The following EPHA1 variants were observed in gnomAD, a reference collection of about 807,000 sequenced individuals.
EPHA1 encodes ephrin type-A receptor 1.
In EPHA1, 92 loss-of-function variants were observed where a neutral mutation model predicts 110.1. That is an observed-to-expected ratio of 0.84 (90% CI 0.71 to 0.99). The LOEUF (loss-of-function observed/expected upper bound fraction) is 0.99. Among genes scored for constraint, EPHA1 ranks in the 50% least tolerant of loss-of-function variants. The pLI, the probability that EPHA1 is intolerant of heterozygous loss-of-function variation, is 0.00. For synonymous variants in EPHA1, 500 were observed against 516.1 expected (o/e 0.97, Z 0.42); for missense variants, 1,204 against 1,285.4 (o/e 0.94, Z 0.97).
In EPHA1 at chr7:143,391,742, TG is replaced by T; in HGVS notation, c.2729del (p.Ser910Ter). 6.2e-7 allele frequency: 1 copy of T among 1,613,930 alleles called. No individual in the cohort carries two copies. Among genetic ancestry groups the T allele is most frequent in the Non-Finnish European group, 8.5e-7 (1 of 1,180,030 alleles). Reference protein sequence around the residue: ...MTLRLPSLSGSDGIPYRTVSE... With the variant: ...MTLRLPSLSGXDGIPYRTVSE... ...AGACGGTTCGATATGGGATCCCATC[TG>T]AGCCACTCAGGCTGGGCAGGCGAAG... On this transcript the variant is annotated frameshift_variant, in exon 17 of 18. Transcript: ENST00000275815. LOFTEE classifies it high-confidence loss of function.
Position 143,396,527 on chromosome 7 carries a change from AG to A in EPHA1, c.1772-18del, listed in dbSNP as rs1361400524. 3.7e-6 allele frequency: 6 copies of A among 1,612,790 alleles called. No individual in the cohort carries two copies. The highest frequency in any genetic ancestry group is 3.3e-5 in the Admixed American group (2 of 59,982). ...GCTTGTCCTCTATGGGCAGAACATG[AG>A]GTTGGGGAGTACCAACATCAGGGCT... On this transcript the variant is annotated intron_variant, in intron 10 of 17. Coordinates refer to ENST00000275815, the MANE Select transcript of EPHA1 (RefSeq NM_005232.5).
intron 3 of EPHA1, 99 bp from the exon 4 acceptor site, chr7:143,400,152 G>T: frequency 7.3e-7 from 1 of 1,377,026 alleles, no homozygotes; most frequent in South Asian, 1.5e-5. Context: ...CCACAACCAT[G>T]AACACTGAGC....
rs1374130243 is a variant in EPHA1, at chr7:143,395,121, C to T, written c.2145G>A (p.Arg715=). Reference sequence around the variant, plus strand: ...CCAGCTAGTCCTCTGCCCTCCTCACCCTCAGGAAGGCATCCAGGGCTCCAT... The same window carrying T: ...CCAGCTAGTCCTCTGCCCTCCTCACTCTCAGGAAGGCATCCAGGGCTCCAT... The part of the protein sequence containing the change: ...MENGALDAFL[R]EREDQLVPGQ... Residue 715 remains arginine, a splice_region_variant and synonymous_variant, in exon 13 of 18, where the codon AGG becomes AGA. Transcript: ENST00000275815. This position sits in a 1 kb window ranked among gnomAD's most constrained non-coding sequence, Gnocchi z 4.7. 6 of 1,614,094 alleles carry T rather than the reference C, an allele frequency of 3.7e-6. No homozygotes were observed. Among genetic ancestry groups the T allele is most frequent in the South Asian group, 2.2e-5 (2 of 91,080 alleles).
intron 15 of EPHA1, 25 bp downstream of exon 15, chr7:143,394,169 A>G (rs374125954): frequency 4.4e-5 from 70 of 1,597,468 alleles, no homozygotes; most frequent in Non-Finnish European, 6.0e-5. Flanking sequence ...TGGAGACAAG[A>G]TGAGGAAGAA....
chr7:143,396,570 A>G, intron 10 of EPHA1, 60 bp from the exon 11 acceptor site: 1 of 1,588,966 alleles, frequency 6.3e-7, no homozygotes, highest in African/African-American at 1.3e-5. Flanking sequence ...TATGGGGGTC[A>G]GGAGAAGGGC....
intron 2 of EPHA1, among the ~76,000 whole-genome samples, chr7:143,405,340 A>G (rs1315805391): frequency 6.6e-6 from 1 of 152,212 alleles, no homozygotes; most frequent in Non-Finnish European, 1.5e-5. Context: ...CCAGCTGTCC[A>G]GGATCAGCAG....
At position 143,402,080 on chromosome 7, in the gene EPHA1, G is replaced by A. The variant is rs143261513; in HGVS notation, c.151-475C>T. Among the ~76,000 whole-genome samples, 652 of 147,546 alleles carry A rather than the reference G, an allele frequency of 4.4e-3. 7 individuals are homozygous for A. Among genetic ancestry groups the A allele is most frequent in the African/African-American group, 0.015 (624 of 40,422 alleles). The stretch of plus-strand genomic sequence containing the variant: ...CTACAGGTGCCTGCCAACACACTGG[G>A]CTATTTTTTCTTTCTTTTTTTTTTT... On this transcript the variant is annotated intron_variant, in intron 2 of 17. Transcript: ENST00000275815.
chr7:143,400,191 AT>A, intron 3 of EPHA1, 138 bp from the exon 4 acceptor site: 1 of 1,036,342 alleles, frequency 9.6e-7, no homozygotes, highest in Non-Finnish European at 1.4e-6. Flanking sequence ...CAGGCTAAGC[AT>A]TTTATGTGCA....
Position 143,398,448 on chromosome 7 carries a change from T to G in EPHA1, c.1337A>C (p.Glu446Ala). 1 of 1,614,116 alleles carries G rather than the reference T, an allele frequency of 6.2e-7. No individual in the cohort carries two copies. Reference sequence around the variant, plus strand: ...TCTCAGAGACAGGCCTGACAGTGACTCTGGGGGTCCAGAGGGATAAGGTTG... The same window carrying G: ...TCTCAGAGACAGGCCTGACAGTGACGCTGGGGGTCCAGAGGGATAAGGTTG... ...TSVSISMGHAESLSGLSLRLV... is the reference protein window; with the variant it reads ...TSVSISMGHAASLSGLSLRLV... Residue 446 changes from glutamate to alanine, a missense_variant and splice_region_variant, in exon 7 of 18, where the codon GAG becomes GCG. By Grantham distance (107) the Glu-to-Ala change is moderately radical. Transcript: ENST00000275815.
Position 143,393,784 on chromosome 7 carries a change from G to A in EPHA1, c.2583C>T (p.Asn861=). Residue 861 remains asparagine, a synonymous_variant, in exon 16 of 18, where the codon AAC becomes AAT. Coordinates refer to ENST00000275815, the MANE Select transcript of EPHA1 (RefSeq NM_005232.5). This position sits in a 1 kb window ranked among gnomAD's most constrained non-coding sequence, Gnocchi z 5.6. ...CPAPLYELMK[N]CWAYDRARRP... Reference sequence around the variant, plus strand: ...GGCGGGCACGGTCATATGCCCAGCAGTTCTTCATGAGCTCATACAGAGGGG... The same window carrying A: ...GGCGGGCACGGTCATATGCCCAGCAATTCTTCATGAGCTCATACAGAGGGG... 1 of 1,612,348 alleles carries A rather than the reference G, an allele frequency of 6.2e-7. No homozygotes were observed. Among genetic ancestry groups the A allele is most frequent in the Non-Finnish European group, 8.5e-7 (1 of 1,179,046 alleles).
In EPHA1 at chr7:143,398,363, G is replaced by A. The variant is rs1805317215; in HGVS notation, c.1422C>T (p.Ser474=). The change falls in exon 7 of 18, where the codon AGC becomes AGT. Residue 474 remains serine, a synonymous_variant. Transcript: ENST00000275815. Reference sequence around the variant, plus strand: ...GCTCATAGGTCAGGTTCGCCCCAGGGCTTCGGGGCCGGGACCCCGCCCAGG... The same window carrying A: ...GCTCATAGGTCAGGTTCGCCCCAGGACTTCGGGGCCGGGACCCCGCCCAGG... ...ELTWAGSRPR[S]PGANLTYELH... 1 of 1,613,988 alleles carries A rather than the reference G, an allele frequency of 6.2e-7. No homozygotes were observed. Among genetic ancestry groups the A allele is most frequent in the African/African-American group, 1.3e-5 (1 of 74,894 alleles).
intron 2 of EPHA1, among the ~76,000 whole-genome samples, chr7:143,406,342 G>A (rs1411729837): frequency 6.6e-6 from 1 of 152,230 alleles, no homozygotes; most frequent in Non-Finnish European, 1.5e-5. Flanking sequence ...GGGGTTGGGA[G>A]GGCTTCTGGA....
intron 10 of EPHA1, 55 bp downstream of exon 10, chr7:143,397,237 ACACACACACACG>A (rs1586581042): frequency 6.7e-7 from 1 of 1,489,904 alleles, no homozygotes; most frequent in African/African-American, 1.4e-5. Context: ...ATCTCCCAAC[ACACACACACACG>A]CACACACAGG....
intron 2 of EPHA1, among the ~76,000 whole-genome samples, chr7:143,402,240 C>T (rs1166145495): frequency 6.6e-6 from 1 of 152,066 alleles, no homozygotes; most frequent in Admixed American, 6.6e-5. Flanking sequence ...ATTATTAAAA[C>T]CCTTTAGATT....
chr7:143,401,144 C>T lies in EPHA1; in HGVS notation c.432+180G>A, dbSNP rs889926674. 9.6e-5 allele frequency: 73 copies of T among 757,840 alleles called. 2 individuals carry two copies. In the South Asian group the frequency reaches 1.2e-3, roughly 13 times the overall value. The allele number at this position is 757,840 out of a possible 1,614,324, so 46.9% of individuals were successfully genotyped here. On this transcript the variant is annotated intron_variant, in intron 3 of 17. Transcript: ENST00000275815. This position sits in a 1 kb window ranked among gnomAD's most constrained non-coding sequence, Gnocchi z 4.1. Reference sequence around the variant, plus strand: ...CTGGCCTCAAGTGATCTTCCCACATCGGTTTCCCAAAGCACTGGAATTACA... The same window carrying T: ...CTGGCCTCAAGTGATCTTCCCACATTGGTTTCCCAAAGCACTGGAATTACA...
At chr7:143,396,233 A>ACAGAG in intron 11 of EPHA1, 152 bp downstream of exon 11, 2 of 1,108,184 alleles carry the variant, frequency 1.8e-6, no homozygotes, top group Non-Finnish European at 2.5e-6. Context: ...CAAAGAGGAT[A>ACAGAG]CAGAGCAGAG....
In EPHA1 at chr7:143,396,500, C is replaced by A. The variant is rs202046801; in HGVS notation, c.1782G>T (p.Leu594=). Residue 594 remains leucine, a synonymous_variant, in exon 11 of 18, where the codon CTG becomes CTT. Coordinates refer to ENST00000275815, the MANE Select transcript of EPHA1 (RefSeq NM_005232.5). The part of the protein sequence containing the change: ...RATDVDREDK[L]WLKPYVDLQA... ...GGAGGTCCACATAAGGCTTCAGCCA[C>A]AGCTTGTCCTCTATGGGCAGAACAT... The A allele has an allele frequency of 4.3e-6, 7 of 1,613,964 alleles. No individual in the cohort carries two copies. In the East Asian group the frequency reaches 1.1e-4, roughly 26 times the overall value.
rs1423404234 is a variant in EPHA1 at position 143,391,641 on chromosome 7, C to T, written c.2831G>A (p.Cys944Tyr). Residue 944 changes from cysteine to tyrosine, a missense_variant, in exon 17 of 18, where the codon TGT becomes TAT. Coordinates refer to ENST00000275815, the MANE Select transcript of EPHA1 (RefSeq NM_005232.5). ...FHSAGLDTME[C>Y]VLELTAEDLT... ...TTACTCAGCGGTCAGCTCCAGCACA[C>T]ACTCCATGGTGTCCAGCCCAGCCGA... 3 of 1,614,184 alleles carry T rather than the reference C, an allele frequency of 1.9e-6. No individual in the cohort carries two copies. Among genetic ancestry groups the T allele is most frequent in the Non-Finnish European group, 2.5e-6 (3 of 1,180,034 alleles).
rs1586586163 is a variant in EPHA1 at position 143,401,668 on chromosome 7, T to C, written c.151-63A>G. 1.3e-6 allele frequency: 2 copies of C among 1,567,002 alleles called. No homozygotes were observed. The highest frequency in any genetic ancestry group is 2.3e-5 in the East Asian group (1 of 44,326). The stretch of plus-strand genomic sequence containing the variant: ...CCCTGCTCCCCAAACCCTTGGTTTT[T>C]AGAGCTGATGGAGAAGCAGCTGTGT... On this transcript the variant is annotated intron_variant, in intron 2 of 17. Coordinates refer to ENST00000275815, the MANE Select transcript of EPHA1 (RefSeq NM_005232.5). The surrounding 1 kb of genome is among the most constrained non-coding windows in gnomAD (Gnocchi z 4.1).
Sources: allele counts gnomAD v4.1 joint callset (sites outside exome capture counted in the v4.1 genomes callset), GRCh38; gene constraint gnomAD v4.1.1; non-coding constraint Gnocchi (gnomAD v3.1); transcripts MANE v1.5; gene names NCBI Gene and HGNC (gene_info 2026-07-23, HGNC 2026-07-21).